Variants in ASB9 observed in about 807,000 individuals in gnomAD.
ASB9 encodes ankyrin repeat and SOCS box containing 9.
A neutral mutation model predicts 16.6 loss-of-function variants in ASB9; 5 were observed. The ratio of observed to expected loss-of-function variants is 0.30; its 90% CI spans 0.16 to 0.63. ASB9 has a LOEUF of 0.63. Ranked by LOEUF, ASB9 falls within the 30% of genes least tolerant of loss-of-function variation. ASB9 has a pLI of 0.82. For synonymous variants in ASB9, 100 were observed against 86.4 expected (o/e 1.16, Z -0.87); for missense variants, 216 against 229.4 (o/e 0.94, Z 0.38).
chrX:15,250,847 A>T (rs1925060562), intron 4 of ASB9, among the ~76,000 whole-genome samples: 1 of 111,635 alleles, frequency 9.0e-6, no homozygotes, highest in African/African-American at 3.3e-5. Flanking sequence ...TCAGCCTCCG[A>T]GTAGCTGGTA....
intron 1 of ASB9, among the ~76,000 whole-genome samples, chrX:15,269,347 T>G (rs1926804317): frequency 8.9e-6 from 1 of 111,996 alleles, no homozygotes; most frequent in Non-Finnish European, 1.9e-5. Flanking sequence ...CTTTTGTCTC[T>G]TTTGAAAGTG....
At chrX:15,260,175 G>A (rs1925861573) in intron 1 of ASB9, among the ~76,000 whole-genome samples, 1 of 112,268 alleles carries the variant, frequency 8.9e-6, no homozygotes, top group African/African-American at 3.2e-5. Context: ...GAGGTGGGCA[G>A]ATCACCTGAG....
intron 1 of ASB9, among the ~76,000 whole-genome samples, chrX:15,266,945 A>AG: frequency 1.8e-5 from 2 of 110,135 alleles, no homozygotes; most frequent in South Asian, 3.7e-4. Context: ...CAAAAAAAAA[A>AG]AAAAAAAAGA....
chrX:15,267,417 A>ATATATATATAT lies in ASB9; in HGVS notation c.94+2363_94+2364insATATATATATA, dbSNP rs1555934601. On this transcript the variant is annotated intron_variant, in intron 1 of 6. Transcript: ENST00000380488. The stretch of plus-strand genomic sequence containing the variant: ...AGAGCGAGACTCCATCTAAAAAAAA[A>ATATATATATAT]ATATATATATATATATAATTATATA... 1.3e-3 allele frequency among the ~76,000 whole-genome samples: 105 copies of ATATATATATAT among 77,958 alleles called. 2 individuals carry two copies. The highest frequency in any genetic ancestry group is 5.4e-3 in the African/African-American group (104 of 19,367). The allele number at this position is 77,958 out of a possible 115,157, so 67.7% of individuals were successfully genotyped here. A position where few individuals can be genotyped will look rare whatever the true frequency, so the allele number is the denominator to read the frequency against.
intron 2 of ASB9, among the ~76,000 whole-genome samples, chrX:15,257,030 G>A (rs771031008): frequency 1.8e-5 from 2 of 110,807 alleles, no homozygotes; most frequent in African/African-American, 3.3e-5. Flanking sequence ...AAGGCAGGCC[G>A]AGGTACAGAA....
At chrX:15,245,332 T>A (rs185129239) in intron 6 of ASB9, among the ~76,000 whole-genome samples, 147 of 110,913 alleles carry the variant, frequency 1.3e-3, no homozygotes, top group African/African-American at 4.7e-3. Flanking sequence ...GGAAGGGTGC[T>A]ACTGGCATCT....
In ASB9 at chrX:15,262,505, G is replaced by A. The variant is rs142533664; in HGVS notation, c.95-3560C>T. On this transcript the variant is annotated intron_variant, in intron 1 of 6. Transcript: ENST00000380488. ...GCCCAGAAGAAAAACGTGAGTCCCT[G>A]TAAAACTAAAATCCATCTCAAATTT... is the stretch of plus-strand genomic sequence containing the variant. Among the ~76,000 whole-genome samples, 325 of 112,655 alleles carry A rather than the reference G, an allele frequency of 2.9e-3. 1 individual carries two copies. The highest frequency in any genetic ancestry group is 9.3e-3 in the African/African-American group (289 of 31,074).
chrX:15,255,805 T>C (rs1925485879), intron 2 of ASB9, among the ~76,000 whole-genome samples: 1 of 112,168 alleles, frequency 8.9e-6, no homozygotes. Context: ...CTGCTGCATG[T>C]ACCTTTTAGG....
chrX:15,267,258 C>CAAA (rs1569161812), intron 1 of ASB9, among the ~76,000 whole-genome samples: 2 of 78,171 alleles, frequency 2.6e-5, no homozygotes, highest in African/African-American at 1.3e-4. Flanking sequence ...AAAAACACCC[C>CAAA]AAAAAATTAG....
At chrX:15,254,984 T>TA (rs35149491) in intron 2 of ASB9, 140 bp from the exon 3 acceptor site, 47,209 of 333,114 alleles carry the variant, frequency 0.14, 2,327 homozygotes, top group African/African-American at 0.39. Context: ...ATATTGACTT[T>TA]AAAAAAAAAA....
At chrX:15,257,406 A>G (rs969654668) in intron 2 of ASB9, among the ~76,000 whole-genome samples, 2 of 110,599 alleles carry the variant, frequency 1.8e-5, no homozygotes, top group Non-Finnish European at 3.8e-5. Flanking sequence ...CTCCATCTCA[A>G]AAAAATAATA....
chrX:15,269,682 T>C (rs949057486), intron 1 of ASB9, 99 bp downstream of exon 1: 1 of 617,647 alleles, frequency 1.6e-6, no homozygotes. Context: ...AACAGCCCCA[T>C]GGACACCTCA....
At chrX:15,249,015 A>G in intron 5 of ASB9, 80 bp from the exon 6 acceptor site, 1 of 997,390 alleles carries the variant, frequency 1.0e-6, no homozygotes, top group Non-Finnish European at 1.3e-6. Flanking sequence ...CCGAGCCCCA[A>G]AATTTCCTAA....
intron 1 of ASB9, among the ~76,000 whole-genome samples, chrX:15,269,221 G>C (rs1419783202): frequency 8.9e-6 from 1 of 112,019 alleles, no homozygotes; most frequent in Non-Finnish European, 1.9e-5. Context: ...GGCACCTGCT[G>C]AATGCTCACC....
intron 2 of ASB9, among the ~76,000 whole-genome samples, chrX:15,256,636 G>A (rs1925570787): frequency 9.5e-6 from 1 of 104,992 alleles, no homozygotes; most frequent in Non-Finnish European, 1.9e-5. Flanking sequence ...AATTAGCCGG[G>A]CGAGGTGGGG....
chrX:15,263,207 C>T (rs1359144468), intron 1 of ASB9, among the ~76,000 whole-genome samples: 1 of 111,408 alleles, frequency 9.0e-6, no homozygotes, highest in Non-Finnish European at 1.9e-5. Flanking sequence ...TAAATCTACT[C>T]ATCCTGAGAA....
intron 1 of ASB9, among the ~76,000 whole-genome samples, chrX:15,268,486 C>T (rs1926726354): frequency 1.0e-5 from 1 of 95,569 alleles, no homozygotes; most frequent in African/African-American, 3.8e-5. Flanking sequence ...AGTGCTGTGG[C>T]GAGATCTAGG....
intron 1 of ASB9, among the ~76,000 whole-genome samples, chrX:15,263,999 G>T (rs1466599473): frequency 9.0e-6 from 1 of 111,505 alleles, no homozygotes; most frequent in African/African-American, 3.3e-5. Flanking sequence ...ATACCATAAC[G>T]AAACACCACA....
Position 15,269,998 on chromosome X carries a change from T to C in ASB9, c.-124A>G. 2.0e-6 allele frequency: 1 copy of C among 496,248 alleles called. No individual in the cohort carries two copies. The highest frequency in any genetic ancestry group is 3.3e-6 in the Non-Finnish European group (1 of 304,304). 40.9% of individuals were successfully genotyped at this position (496,248 alleles called of 1,213,427 possible). On this transcript the variant is annotated 5_prime_UTR_variant, in exon 1 of 7. Coordinates refer to ENST00000380488, the MANE Select transcript of ASB9 (RefSeq NM_001031739.3). ...GTGGCTGGCTGAGCTGCACACGTTCTGGTCAAATGGTCTGCAGCAAAGCAC... is the reference window on the plus strand; with the variant it reads ...GTGGCTGGCTGAGCTGCACACGTTCCGGTCAAATGGTCTGCAGCAAAGCAC...
Sources: gnomAD v4.1 joint callset for allele counts (sites outside exome capture counted in the v4.1 genomes callset) on GRCh38, gnomAD v4.1.1 for gene constraint, MANE v1.5 for transcripts, NCBI Gene and HGNC (gene_info 2026-07-23, HGNC 2026-07-21) for gene names.